The following TOMM40 variants were observed in gnomAD, a reference collection of about 807,000 sequenced individuals.
TOMM40 encodes mitochondrial import receptor subunit TOM40 homolog.
TOMM40 carries 9 observed loss-of-function variants against 38.4 expected under a neutral mutation model. The ratio of observed to expected loss-of-function variants is 0.23; its 90% confidence interval spans 0.14 to 0.41. The LOEUF (loss-of-function observed/expected upper bound fraction) is 0.41. Ranked by LOEUF, TOMM40 falls within the 10% of genes least tolerant of loss-of-function variation. The pLI is 1.00. For synonymous variants in TOMM40, 184 were observed against 210.0 expected (o/e 0.88, Z 1.07); for missense variants, 299 against 486.5 (o/e 0.61, Z 3.63).
intron 3 of TOMM40, 60 bp from the exon 4 acceptor site, chr19:44,893,720 C>T (rs1344102147): frequency 7.1e-6 from 10 of 1,416,800 alleles, no homozygotes; most frequent in Non-Finnish European, 6.8e-6. Flanking sequence ...CACCCCGGCC[C>T]ATCTCACATA....
intron 8 of TOMM40, 51 bp downstream of exon 8, chr19:44,901,361 T>C: frequency 6.3e-7 from 1 of 1,577,796 alleles, no homozygotes; most frequent in African/African-American, 1.3e-5. Context: ...GTGACTCAAC[T>C]CTGAGTGGAT....
rs527268109 is a variant in TOMM40, at chr19:44,893,034, A to G, written c.435+105A>G. 7 of 894,038 alleles carry G rather than the reference A, an allele frequency of 7.8e-6. No individual in the cohort carries two copies. In the African/African-American group the frequency reaches 1.2e-4, roughly 15 times the overall value. The allele number at this position is 894,038 out of a possible 1,614,324, so 55.4% of individuals were successfully genotyped here. A position where few individuals can be genotyped will look rare whatever the true frequency, so the allele number is the denominator to read the frequency against. On this transcript the variant is annotated intron_variant, in intron 3 of 8. Coordinates refer to ENST00000426677, the MANE Select transcript of TOMM40 (RefSeq NM_001128917.2). ...TCAGGAAAAGGTCACAGCTACCGAG[A>G]GCCTGGAGATGGGGATTGCATCTCT... is the stretch of plus-strand genomic sequence containing the variant.
chr19:44,891,847 C>G (rs1969473312), intron 1 of TOMM40, among the ~76,000 whole-genome samples, 158 bp downstream of exon 1: 1 of 152,124 alleles, frequency 6.6e-6, no homozygotes, highest in Non-Finnish European at 1.5e-5. Context: ...GGACTTGGGG[C>G]TTAGAATGAT....
intron 1 of TOMM40, 74 bp from the exon 2 acceptor site, chr19:44,892,319 G>T: frequency 7.1e-7 from 1 of 1,410,568 alleles, no homozygotes. Context: ...GAGAGAGCTG[G>T]GGGTGGTAGG....
At position 44,893,779 on chromosome 19, in the gene TOMM40, G is replaced by A; in HGVS notation, c.436-1G>A. ...CCCCTTCCGTTCTCTCTGCCTCACA[G>A]GCGTTCCCTGTACTGGTGGGTGACA... is the stretch of plus-strand genomic sequence containing the variant. On this transcript the variant is annotated splice_acceptor_variant, in intron 3 of 8. Coordinates refer to ENST00000426677, the MANE Select transcript of TOMM40 (RefSeq NM_001128917.2). LOFTEE classifies it high-confidence loss of function. 1 of 1,611,906 alleles carries A rather than the reference G, an allele frequency of 6.2e-7. No individual in the cohort carries two copies. Among genetic ancestry groups the A allele is most frequent in the Non-Finnish European group, 8.5e-7 (1 of 1,179,794 alleles).
intron 5 of TOMM40, among the ~76,000 whole-genome samples, chr19:44,898,235 C>A (rs912625684): frequency 1.3e-5 from 2 of 152,192 alleles, no homozygotes; most frequent in Non-Finnish European, 2.9e-5. Context: ...AGGCTGGCTC[C>A]ATGCTAGCAG....
intron 8 of TOMM40, chr19:44,902,561 C>T (rs144737872): frequency 1.0e-3 from 159 of 152,908 alleles, no homozygotes; most frequent in African/African-American, 3.4e-3. Context: ...GAAACTGAGG[C>T]TTCCAGAGGT....
chr19:44,895,820 T>C (rs559694856), intron 5 of TOMM40, among the ~76,000 whole-genome samples: 17 of 152,264 alleles, frequency 1.1e-4, no homozygotes, highest in African/African-American at 3.1e-4. Flanking sequence ...GTGCTGGGAT[T>C]ACAGGTGTGA....
chr19:44,897,613 C>A (rs1188585469), intron 5 of TOMM40, among the ~76,000 whole-genome samples: 1 of 151,780 alleles, frequency 6.6e-6, no homozygotes, highest in Non-Finnish European at 1.5e-5. Context: ...CTGCCACACC[C>A]GGCTAATTTT....
intron 5 of TOMM40, among the ~76,000 whole-genome samples, chr19:44,894,788 G>A (rs1350842235): frequency 6.6e-6 from 1 of 152,164 alleles, no homozygotes; most frequent in Non-Finnish European, 1.5e-5. Context: ...GAACTTGAGG[G>A]AGGATGGTCC....
intron 5 of TOMM40, among the ~76,000 whole-genome samples, 178 bp downstream of exon 5, chr19:44,894,244 G>A (rs1328000758): frequency 4.0e-5 from 6 of 150,538 alleles, no homozygotes; most frequent in Non-Finnish European, 8.8e-5. Context: ...GACCATGAGT[G>A]GGTGAGTCAG....
rs559891452 is a variant in TOMM40 at position 44,902,853 on chromosome 19, A to C, written c.947-177A>C. ...GTCACTGAGCGGAGAGCAGAGGAGGAGTGAGCCATTTGCTCCAGCGTGAAG... is the reference window on the plus strand; with the variant it reads ...GTCACTGAGCGGAGAGCAGAGGAGGCGTGAGCCATTTGCTCCAGCGTGAAG... On this transcript the variant is annotated intron_variant, in intron 8 of 8. Coordinates refer to ENST00000426677, the MANE Select transcript of TOMM40 (RefSeq NM_001128917.2). The C allele has an allele frequency of 8.3e-6, 6 of 723,222 alleles. No individual in the cohort carries two copies. In the East Asian group the frequency reaches 1.8e-4, roughly 22 times the overall value. 44.8% of individuals were successfully genotyped at this position (723,222 alleles called of 1,614,324 possible). A position where few individuals can be genotyped will look rare whatever the true frequency, so the allele number is the denominator to read the frequency against.
rs189407352 is a variant in TOMM40 at position 44,900,873 on chromosome 19, C to T, written c.766+21C>T. ...CACATGTGAGCCTGGCGCCTGGGTC[C>T]GAGGGTGGAGGGGCTGGGCCCCTGG... On this transcript the variant is annotated intron_variant, in intron 6 of 8. Coordinates refer to ENST00000426677, the MANE Select transcript of TOMM40 (RefSeq NM_001128917.2). 539 of 1,612,768 alleles carry T rather than the reference C, an allele frequency of 3.3e-4. 3 individuals carry two copies. In the East Asian group the frequency reaches 5.3e-3, roughly 16 times the overall value.
rs1969718314 is a variant in TOMM40, at chr19:44,903,279, G to GT, written c.*111dup. 9 of 1,199,748 alleles carry GT rather than the reference G, an allele frequency of 7.5e-6. No homozygotes were observed. Among genetic ancestry groups the GT allele is most frequent in the Admixed American group, 3.2e-5 (1 of 31,666 alleles). 74.3% of individuals were successfully genotyped at this position (1,199,748 alleles called of 1,614,324 possible). On this transcript the variant is annotated 3_prime_UTR_variant, in exon 9 of 9. Coordinates refer to ENST00000426677, the MANE Select transcript of TOMM40 (RefSeq NM_001128917.2). Reference sequence around the variant, plus strand: ...CCCTCCCTTCCCTCCCCCCTTGGGGGTCGGGGGGGACATTGGAAAGGAGGG... The same window carrying GT: ...CCCTCCCTTCCCTCCCCCCTTGGGGGTTCGGGGGGGACATTGGAAAGGAGGG...
At chr19:44,891,715 G>A (rs747468777) in intron 1 of TOMM40, 26 bp downstream of exon 1, 1 of 1,424,342 alleles carries the variant, frequency 7.0e-7, no homozygotes, top group Non-Finnish European at 9.2e-7. Context: ...CCCCCGCTGG[G>A]CTGCGATGGC....
chr19:44,901,633 A>G, intron 8 of TOMM40: 1 of 478,768 alleles, frequency 2.1e-6, no homozygotes, highest in South Asian at 3.7e-5. Context: ...CCAACTACTG[A>G]GGCTGAGGCG....
At chr19:44,900,207 C>T (rs1434416609) in intron 5 of TOMM40, among the ~76,000 whole-genome samples, 4 of 152,186 alleles carry the variant, frequency 2.6e-5, no homozygotes, top group East Asian at 1.9e-4. Context: ...CACTCGATTC[C>T]TCACAACCCC....
In TOMM40 at chr19:44,901,268, G is replaced by C; in HGVS notation, c.904G>C (p.Gly302Arg). The C allele has an allele frequency of 6.2e-7, 1 of 1,614,036 alleles. No individual in the cohort carries two copies. Among genetic ancestry groups the C allele is most frequent in the Non-Finnish European group, 8.5e-7 (1 of 1,179,986 alleles). ...TRMQDTSVSF[G>R]YQLDLPKANL... ...GATGCAGGACACCAGCGTCTCCTTC[G>C]GGTACCAGCTGGACCTGCCCAAGGC... The change falls in exon 8 of 9, where the codon GGG becomes CGG. Residue 302 changes from glycine (G) to arginine (R), a missense_variant. By Grantham distance (125) the Gly-to-Arg change is moderately radical. Coordinates refer to ENST00000426677, the MANE Select transcript of TOMM40 (RefSeq NM_001128917.2).
chr19:44,898,511 CTT>C (rs34896370), intron 5 of TOMM40, among the ~76,000 whole-genome samples: 6 of 98,522 alleles, frequency 6.1e-5, no homozygotes, highest in African/African-American at 8.3e-5. Context: ...TGTGTTGTTT[CTT>C]TTTTTTTTTT....
Sources: allele counts gnomAD v4.1 joint callset (sites outside exome capture counted in the v4.1 genomes callset), GRCh38; gene constraint gnomAD v4.1.1; transcripts MANE v1.5; gene names NCBI Gene and HGNC (gene_info 2026-07-23, HGNC 2026-07-21).